The following FAAH2 variants were observed in gnomAD, a reference collection of about 807,000 sequenced individuals.
FAAH2 encodes the protein fatty-acid amide hydrolase 2.
A neutral mutation model predicts 36.9 loss-of-function variants in FAAH2; 60 were observed. That is an observed-to-expected ratio of 1.63 (90% CI 1.32 to 2.02). The LOEUF is 2.02. Ranked by LOEUF, FAAH2 falls within the 30% of genes most tolerant of loss-of-function variation. The probability of loss-of-function intolerance (pLI) is 0.00; values close to 1 mark genes in which losing one functional copy is unlikely to be tolerated. For missense variants in FAAH2, 689 were observed against 397.5 expected, an observed-to-expected ratio of 1.73 and a Z score of -6.23; for synonymous variants, 214 against 143.8, an observed-to-expected ratio of 1.49 and a Z score of -3.49.
At chrX:57,171,805 C>T in the FAAH2 span, among the ~76,000 whole-genome samples, 5 of 111,575 alleles carry the variant, frequency 4.5e-5, no homozygotes, top group Non-Finnish European at 7.5e-5. Flanking sequence ...GTTGCATTTG[C>T]TTTTGAGGTC....
chrX:57,193,246 G>T, the FAAH2 span, among the ~76,000 whole-genome samples: 7 of 111,551 alleles, frequency 6.3e-5, no homozygotes, highest in Admixed American at 2.8e-4. Flanking sequence ...CGAAACTGTA[G>T]GGATGAAATA....
the FAAH2 span, among the ~76,000 whole-genome samples, chrX:57,221,476 G>T: frequency 1.8e-5 from 2 of 110,817 alleles, no homozygotes; most frequent in East Asian, 2.8e-4. Context: ...CATCCCCCAA[G>T]TAGCTCTCAT....
At chrX:57,485,068 G>A (rs2057449271) in intron 10 of FAAH2, among the ~76,000 whole-genome samples, 1 of 111,818 alleles carries the variant, frequency 8.9e-6, no homozygotes, top group Admixed American at 9.5e-5. Flanking sequence ...ATTCAGTTGG[G>A]GGCAAGCCAG....
At chrX:57,308,569 C>G (rs1037703056) in intron 2 of FAAH2, among the ~76,000 whole-genome samples, 1 of 111,482 alleles carries the variant, frequency 9.0e-6, no homozygotes, top group Non-Finnish European at 1.9e-5. Context: ...ATATTTTCTC[C>G]TATTCTGTAG....
At chrX:57,364,694 C>T (rs56094858) in intron 5 of FAAH2, among the ~76,000 whole-genome samples, 39,744 of 109,180 alleles carry the variant, frequency 0.36, 6,163 homozygotes, top group Middle Eastern at 0.61. Context: ...TTGCTCAGCA[C>T]TCTCCACTTC....
At chrX:57,228,328 C>T in the FAAH2 span, among the ~76,000 whole-genome samples, 3 of 111,386 alleles carry the variant, frequency 2.7e-5, no homozygotes, top group Admixed American at 1.9e-4. Flanking sequence ...CTGCTACTTC[C>T]TCTATCCCTG....
intron 10 of FAAH2, among the ~76,000 whole-genome samples, chrX:57,466,985 C>G (rs775268207): frequency 2.7e-5 from 3 of 111,235 alleles, no homozygotes; most frequent in Non-Finnish European, 5.7e-5. Flanking sequence ...ATAGAGGTCT[C>G]AAAAACAAGC....
the FAAH2 span, among the ~76,000 whole-genome samples, chrX:57,192,236 C>T: frequency 9.0e-6 from 1 of 111,031 alleles, no homozygotes; most frequent in African/African-American, 3.3e-5. Context: ...AATGTGATTG[C>T]TTTTATATTT....
intron 8 of FAAH2, among the ~76,000 whole-genome samples, chrX:57,434,341 G>T (rs1441187299): frequency 9.1e-6 from 1 of 109,881 alleles, no homozygotes; most frequent in African/African-American, 3.3e-5. Context: ...CCCCTAAAGT[G>T]CTGGGATTAC....
chrX:57,154,328 G>C, the FAAH2 span, among the ~76,000 whole-genome samples: 3,093 of 101,530 alleles, frequency 0.03, 112 homozygotes, highest in African/African-American at 0.11. Context: ...GCAGTGACAT[G>C]ATCTCGGCTC....
intron 7 of FAAH2, among the ~76,000 whole-genome samples, chrX:57,415,099 C>G (rs1317324226): frequency 1.9e-4 from 21 of 109,294 alleles, no homozygotes; most frequent in Non-Finnish European, 3.4e-4. Context: ...TTTATTGCAT[C>G]TACTTGATTC....
intron 8 of FAAH2, among the ~76,000 whole-genome samples, chrX:57,433,941 C>T (rs1015747644): frequency 1.2e-4 from 13 of 111,226 alleles, no homozygotes; most frequent in Admixed American, 8.7e-4. Context: ...ATGCAGAAAG[C>T]CTGAAAAAGA....
At chrX:57,345,049 G>A (rs1302223928) in intron 5 of FAAH2, among the ~76,000 whole-genome samples, 1 of 108,905 alleles carries the variant, frequency 9.2e-6, no homozygotes, top group African/African-American at 3.3e-5. Flanking sequence ...GACTTTTGTT[G>A]TTGTGTCTGT....
chrX:57,226,668 T>A, the FAAH2 span, among the ~76,000 whole-genome samples: 3 of 112,063 alleles, frequency 2.7e-5, no homozygotes, highest in Admixed American at 1.9e-4. Context: ...AGGTGTTCTT[T>A]GTGCTTCTTG....
At chrX:57,237,640 T>G in the FAAH2 span, among the ~76,000 whole-genome samples, 5 of 111,040 alleles carry the variant, frequency 4.5e-5, no homozygotes, top group African/African-American at 1.6e-4. Context: ...AAACAAAAAT[T>G]GACAAATGAA....
intron 7 of FAAH2, among the ~76,000 whole-genome samples, chrX:57,431,570 T>A: frequency 9.0e-6 from 1 of 110,807 alleles, no homozygotes; most frequent in Admixed American, 9.7e-5. Flanking sequence ...TTCATTCCAA[T>A]GGAGGAACCA....
the FAAH2 span, among the ~76,000 whole-genome samples, chrX:57,173,598 C>T: frequency 8.9e-6 from 1 of 111,970 alleles, no homozygotes; most frequent in Non-Finnish European, 1.9e-5. Flanking sequence ...CTGGCTAAAA[C>T]TTCTAGCATT....
intron 5 of FAAH2, among the ~76,000 whole-genome samples, chrX:57,342,675 G>A (rs1437579993): frequency 9.0e-6 from 1 of 110,857 alleles, no homozygotes; most frequent in East Asian, 2.9e-4. Context: ...TATTACATGG[G>A]TAAATTGTGT....
intron 1 of FAAH2, among the ~76,000 whole-genome samples, chrX:57,289,892 T>C (rs1286012684): frequency 9.1e-6 from 1 of 110,034 alleles, no homozygotes; most frequent in African/African-American, 3.3e-5. Flanking sequence ...AGTGAGAAGC[T>C]TTCACTTTTC....
Sources: gnomAD v4.1 joint callset for allele counts (sites outside exome capture counted in the v4.1 genomes callset) on GRCh38, gnomAD v4.1.1 for gene constraint, MANE v1.5 for transcripts, NCBI Gene and HGNC (gene_info 2026-07-23, HGNC 2026-07-21) for gene names.